Variants in LUZP2 observed in about 807,000 individuals in gnomAD.
The protein encoded by LUZP2 is leucine zipper protein 2.
LUZP2 carries 52 observed loss-of-function variants against 51.6 expected under a neutral mutation model. The ratio of observed to expected loss-of-function variants is 1.01; its 90% confidence interval spans 0.81 to 1.27. The LOEUF is 1.27. Ranked by LOEUF, LUZP2 falls within the 50% of genes most tolerant of loss-of-function variation. The probability of loss-of-function intolerance (pLI) is 0.00; values close to 1 mark genes in which losing one functional copy is unlikely to be tolerated. For synonymous variants in LUZP2, 154 were observed against 137.3 expected, an observed-to-expected ratio of 1.12 and a Z score of -0.85; for missense variants, 436 against 395.4, an observed-to-expected ratio of 1.10 and a Z score of -0.87.
At chr11:24,728,894 CAT>C (rs1203705229) in intron 1 of LUZP2, among the ~76,000 whole-genome samples, 3 of 151,922 alleles carry the variant, frequency 2.0e-5, no homozygotes, top group Non-Finnish European at 2.9e-5. Flanking sequence ...AGACGAAAGG[CAT>C]GTCTTACATG....
intron 1 of LUZP2, among the ~76,000 whole-genome samples, chr11:24,699,430 A>T (rs1177299201): frequency 6.6e-6 from 1 of 152,142 alleles, no homozygotes; most frequent in East Asian, 1.9e-4. Context: ...ACATTTTGGA[A>T]TTAAAATTGA....
intron 1 of LUZP2, among the ~76,000 whole-genome samples, chr11:24,564,709 A>C (rs561480409): frequency 2.0e-5 from 3 of 152,284 alleles, no homozygotes; most frequent in Non-Finnish European, 2.9e-5. Context: ...TTAGGTAACA[A>C]GCAGATCAAC....
At chr11:24,697,585 G>A (rs574685992) in intron 1 of LUZP2, among the ~76,000 whole-genome samples, 5 of 152,280 alleles carry the variant, frequency 3.3e-5, no homozygotes, top group Admixed American at 6.5e-5. Flanking sequence ...TAAAGCAAGG[G>A]CGATAATAGC....
At chr11:24,682,506 A>G (rs563980422) in intron 1 of LUZP2, among the ~76,000 whole-genome samples, 1 of 37,306 alleles carries the variant, frequency 2.7e-5, no homozygotes, top group Admixed American at 3.6e-4. Context: ...GAAAAAAAAA[A>G]ATGCAAAAAT....
chr11:24,949,219 C>G (rs1855000396), intron 7 of LUZP2, among the ~76,000 whole-genome samples: 1 of 151,234 alleles, frequency 6.6e-6, no homozygotes, highest in Admixed American at 6.6e-5. Flanking sequence ...GTTTAGGGCT[C>G]AATGGATTGG....
At chr11:24,515,635 C>T (rs1043543809) in intron 1 of LUZP2, among the ~76,000 whole-genome samples, 5 of 152,024 alleles carry the variant, frequency 3.3e-5, no homozygotes, top group East Asian at 1.9e-4. Flanking sequence ...AAAACGTAGA[C>T]GGAACTTTTT....
intron 5 of LUZP2, among the ~76,000 whole-genome samples, chr11:24,766,042 T>A (rs1860178259): frequency 6.6e-6 from 1 of 152,044 alleles, no homozygotes. Flanking sequence ...ATTACAGGAG[T>A]AAACCACCAT....
At chr11:24,727,396 G>A (rs1199886224) in intron 1 of LUZP2, among the ~76,000 whole-genome samples, 6 of 151,902 alleles carry the variant, frequency 3.9e-5, no homozygotes, top group East Asian at 3.9e-4. Flanking sequence ...CTTAATTTCC[G>A]TGCCTATAAA....
chr11:24,506,855 G>T (rs760838156), intron 1 of LUZP2, among the ~76,000 whole-genome samples: 4 of 152,072 alleles, frequency 2.6e-5, no homozygotes, highest in Non-Finnish European at 5.9e-5. Flanking sequence ...CTTTATGAAT[G>T]AAACTATTAG....
At chr11:24,574,415 GTGTA>G (rs1852570453) in intron 1 of LUZP2, among the ~76,000 whole-genome samples, 1 of 141,604 alleles carries the variant, frequency 7.1e-6, no homozygotes, top group South Asian at 2.2e-4. Flanking sequence ...TCTCTCTGGT[GTGTA>G]TGTATTTGTG....
chr11:24,597,218 CT>C (rs1385923855), intron 1 of LUZP2, among the ~76,000 whole-genome samples: 1 of 152,064 alleles, frequency 6.6e-6, no homozygotes, highest in African/African-American at 2.4e-5. Context: ...ATAAATCTAT[CT>C]TTTTAAAATT....
chr11:24,500,163 A>C (rs193045945), intron 1 of LUZP2, among the ~76,000 whole-genome samples: 1 of 152,330 alleles, frequency 6.6e-6, no homozygotes. Context: ...ATTTGTCCTG[A>C]AAGAAAGCTA....
At chr11:24,942,193 T>C (rs1332049188) in intron 7 of LUZP2, among the ~76,000 whole-genome samples, 1 of 152,202 alleles carries the variant, frequency 6.6e-6, no homozygotes, top group African/African-American at 2.4e-5. Context: ...GAGATCTTTG[T>C]ATAAACACAA....
chr11:24,815,942 C>T (rs11028189), intron 5 of LUZP2, among the ~76,000 whole-genome samples: 25,074 of 150,806 alleles, frequency 0.17, 2,240 homozygotes, highest in Middle Eastern at 0.26. Context: ...GCTGAAGTCT[C>T]GATTCAGGAG....
rs567482885 is a variant in LUZP2, at chr11:24,997,564, T to C, written c.765+14271T>C. ...GTTGCGAAAATGTTCTCCCATTTTGTAGGTTGCCTGTTCACTCTGATGGTA... is the reference window on the plus strand; with the variant it reads ...GTTGCGAAAATGTTCTCCCATTTTGCAGGTTGCCTGTTCACTCTGATGGTA... On this transcript the variant is annotated intron_variant, in intron 9 of 11. Coordinates refer to ENST00000336930, the MANE Select transcript of LUZP2 (RefSeq NM_001009909.4). Among the ~76,000 whole-genome samples, 439 of 152,302 alleles carry C rather than the reference T, an allele frequency of 2.9e-3. 3 individuals are homozygous for C. Among genetic ancestry groups the C allele is most frequent in the African/African-American group, 9.9e-3 (413 of 41,560 alleles).
chr11:24,637,698 G>T (rs1395589126), intron 1 of LUZP2, among the ~76,000 whole-genome samples: 1 of 151,766 alleles, frequency 6.6e-6, no homozygotes, highest in African/African-American at 2.4e-5. Context: ...GTGCCCTCAG[G>T]CTTACTAGGA....
intron 1 of LUZP2, among the ~76,000 whole-genome samples, chr11:24,592,324 AT>A (rs1490628695): frequency 6.6e-6 from 1 of 152,170 alleles, no homozygotes; most frequent in Non-Finnish European, 1.5e-5. Context: ...TTCACATTTG[AT>A]TTGAGATTTT....
intron 7 of LUZP2, among the ~76,000 whole-genome samples, chr11:24,968,785 C>T (rs186399810): frequency 8.7e-4 from 132 of 152,308 alleles, no homozygotes; most frequent in African/African-American, 3.0e-3. Flanking sequence ...AGTGCAACTA[C>T]AGTGATCATC....
chr11:24,650,621 A>G (rs1855598136), intron 1 of LUZP2, among the ~76,000 whole-genome samples: 1 of 152,078 alleles, frequency 6.6e-6, no homozygotes, highest in South Asian at 2.1e-4. Context: ...AACACTCACC[A>G]ATGATCTCTT....
Sources: gnomAD v4.1 joint callset for allele counts (sites outside exome capture counted in the v4.1 genomes callset) on GRCh38, gnomAD v4.1.1 for gene constraint, MANE v1.5 for transcripts, NCBI Gene and HGNC (gene_info 2026-07-23, HGNC 2026-07-21) for gene names.